Variants in NLGN1 observed in about 807,000 individuals in gnomAD.
The protein encoded by NLGN1 is neuroligin 1.
NLGN1 carries 12 observed loss-of-function variants against 65.5 expected under a neutral mutation model. The observed-to-expected ratio is 0.18, with a 90% CI of 0.12 to 0.30. The LOEUF (loss-of-function observed/expected upper bound fraction) is 0.30, where lower values mean the gene tolerates loss of function less well. Among genes scored for constraint, NLGN1 ranks in the 10% least tolerant of loss-of-function variants. The probability of loss-of-function intolerance (pLI) is 1.00; values close to 1 mark genes in which losing one functional copy is unlikely to be tolerated. For missense variants in NLGN1, 750 were observed against 1,007.1 expected (o/e 0.74, Z 3.46); for synonymous variants, 350 against 359.5 (o/e 0.97, Z 0.30).
chr3:174,131,099 C>T (rs903494457), intron 4 of NLGN1, among the ~76,000 whole-genome samples: 2 of 152,064 alleles, frequency 1.3e-5, no homozygotes, highest in African/African-American at 4.8e-5. Flanking sequence ...CCAGGTTACC[C>T]GGAAGTCCTA....
At chr3:173,539,633 CACATATAT>C (rs758528387) in intron 2 of NLGN1, among the ~76,000 whole-genome samples, 1,826 of 39,538 alleles carry the variant, frequency 0.046, 78 homozygotes, top group African/African-American at 0.12. Context: ...TTTATATATA[CACATATAT>C]ACATATATAA....
intron 4 of NLGN1, among the ~76,000 whole-genome samples, chr3:174,179,223 T>C (rs1729954551): frequency 6.6e-6 from 1 of 152,062 alleles, no homozygotes; most frequent in South Asian, 2.1e-4. Context: ...TTAAATTGAG[T>C]TCTTGGCCAC....
rs34662762 is a variant in NLGN1 at position 173,968,687 on chromosome 3, C to CTTTTTT, written c.646+160879_646+160884dup. On this transcript the variant is annotated intron_variant, in intron 4 of 6. Coordinates refer to ENST00000457714, the Ensembl canonical transcript of NLGN1. ...ACACCCCACAATTACTGAAAATAAT[C>CTTTTTT]TTTTTTTTTTTTTTTTTTTTTTTTT... Among the ~76,000 whole-genome samples, 83 of 59,476 alleles carry CTTTTTT rather than the reference C, an allele frequency of 1.4e-3. 9 individuals are homozygous for CTTTTTT. Among genetic ancestry groups the CTTTTTT allele is most frequent in the African/African-American group, 5.6e-3 (77 of 13,734 alleles). The allele number at this position is 59,476 out of a possible 152,430, so 39.0% of individuals were successfully genotyped here.
chr3:173,876,047 A>T (rs1446966427), intron 4 of NLGN1, among the ~76,000 whole-genome samples: 1 of 152,176 alleles, frequency 6.6e-6, no homozygotes, highest in South Asian at 2.1e-4. Context: ...ATGATTGATG[A>T]ATGTGATAAG....
intron 4 of NLGN1, among the ~76,000 whole-genome samples, chr3:174,000,241 C>T (rs918242828): frequency 6.6e-6 from 1 of 152,034 alleles, no homozygotes; most frequent in Non-Finnish European, 1.5e-5. Context: ...AATTTCTCAT[C>T]AGGAATTTCT....
At chr3:174,289,664 T>G (rs1470807752), downstream of NLGN1, among the ~76,000 whole-genome samples, 1 of 151,100 alleles carries the variant, frequency 6.6e-6, no homozygotes, top group Admixed American at 6.6e-5. Flanking sequence ...TTTAGGCCAG[T>G]CAAGTGTTGT....
chr3:173,814,865 T>G (rs912497441), intron 4 of NLGN1, among the ~76,000 whole-genome samples: 14 of 152,326 alleles, frequency 9.2e-5, no homozygotes, highest in African/African-American at 2.9e-4. Context: ...GTTAATTTTC[T>G]TAGCAATTAC....
At chr3:173,878,636 ATACT>A (rs978354807) in intron 4 of NLGN1, among the ~76,000 whole-genome samples, 12 of 149,356 alleles carry the variant, frequency 8.0e-5, no homozygotes, top group African/African-American at 2.9e-4. Flanking sequence ...ATAAATATAT[ATACT>A]TATATATGTG....
intron 3 of NLGN1, among the ~76,000 whole-genome samples, chr3:173,704,446 G>A (rs950292687): frequency 2.0e-5 from 3 of 152,034 alleles, no homozygotes; most frequent in African/African-American, 7.2e-5. Context: ...AAATAATAGA[G>A]ACACTTTTCA....
chr3:173,952,233 G>GCATATTTC (rs1748357460), intron 4 of NLGN1, among the ~76,000 whole-genome samples: 1 of 152,134 alleles, frequency 6.6e-6, no homozygotes, highest in Non-Finnish European at 1.5e-5. Flanking sequence ...TTAAAGATGG[G>GCATATTTC]CATATTTCCC....
At chr3:173,504,550 T>C (rs888462754) in intron 2 of NLGN1, among the ~76,000 whole-genome samples, 7 of 152,068 alleles carry the variant, frequency 4.6e-5, no homozygotes, top group African/African-American at 1.7e-4. Context: ...TGAAATCTCT[T>C]AACCTCCCAT....
At chr3:174,239,779 G>T (rs1336265216) in intron 4 of NLGN1, among the ~76,000 whole-genome samples, 2 of 152,162 alleles carry the variant, frequency 1.3e-5, no homozygotes, top group Admixed American at 1.3e-4. Flanking sequence ...TAGACAAATT[G>T]ACTGAGTAGG....
intron 3 of NLGN1, among the ~76,000 whole-genome samples, chr3:173,725,910 T>C (rs888402325): frequency 1.3e-5 from 2 of 152,140 alleles, no homozygotes; most frequent in African/African-American, 4.8e-5. Context: ...CTGCCGCTGT[T>C]CCTTGCCATG....
At position 173,536,488 on chromosome 3, in the gene NLGN1, G is replaced by A. The variant is rs1737458441; in HGVS notation, c.-320-67791G>A. 2.6e-5 allele frequency among the ~76,000 whole-genome samples: 4 copies of A among 152,280 alleles called. No individual in the cohort carries two copies. The South Asian group carries it at 8.3e-4, about 32-fold the overall frequency. On this transcript the variant is annotated intron_variant, in intron 2 of 6. Transcript: ENST00000457714. Reference sequence around the variant, plus strand: ...AGATATTAAGGCAGTATTCTCAGTTGTGTTTAAGGACTATCTAAATTGGAG... The same window carrying A: ...AGATATTAAGGCAGTATTCTCAGTTATGTTTAAGGACTATCTAAATTGGAG...
chr3:174,125,989 A>G (rs1452713690), intron 4 of NLGN1, among the ~76,000 whole-genome samples: 1 of 152,150 alleles, frequency 6.6e-6, no homozygotes, highest in Non-Finnish European at 1.5e-5. Flanking sequence ...TTTTAGTCTC[A>G]CAGTGCAATA....
intron 3 of NLGN1, among the ~76,000 whole-genome samples, chr3:173,758,389 AT>A (rs1367246594): frequency 6.6e-6 from 1 of 152,168 alleles, no homozygotes; most frequent in Non-Finnish European, 1.5e-5. Context: ...AATGTTATGT[AT>A]TTTTTAAAAA....
intron 3 of NLGN1, among the ~76,000 whole-genome samples, chr3:173,731,549 T>C (rs1348275193): frequency 1.3e-5 from 2 of 152,110 alleles, no homozygotes. Flanking sequence ...TAGTATTGTG[T>C]AGCTATTACA....
chr3:173,968,454 G>C (rs938222052), intron 4 of NLGN1, among the ~76,000 whole-genome samples: 1 of 151,562 alleles, frequency 6.6e-6, no homozygotes, highest in Non-Finnish European at 1.5e-5. Flanking sequence ...ACCAATTATA[G>C]TCCTATAGAA....
intron 4 of NLGN1, among the ~76,000 whole-genome samples, chr3:174,059,842 G>C (rs9868746): frequency 0.021 from 3,192 of 152,258 alleles, 106 homozygotes; most frequent in African/African-American, 0.067. Context: ...TTCTGTGCTA[G>C]AGATTTGAAC....
Sources: gnomAD v4.1 joint callset for allele counts (sites outside exome capture counted in the v4.1 genomes callset) on GRCh38, gnomAD v4.1.1 for gene constraint, MANE v1.5 for transcripts, NCBI Gene and HGNC (gene_info 2026-07-23, HGNC 2026-07-21) for gene names.